The following ACSM3 variants were observed in gnomAD, a reference collection of about 807,000 sequenced individuals.
ACSM3 encodes the protein acyl-CoA synthetase medium chain family member 3.
ACSM3 carries 61 observed loss-of-function variants against 74.1 expected under a neutral mutation model. The ratio of observed to expected loss-of-function variants is 0.82; its 90% CI spans 0.67 to 1.02. The LOEUF (loss-of-function observed/expected upper bound fraction) is 1.02. Ranked by LOEUF, ACSM3 falls within the 50% of genes least tolerant of loss-of-function variation. The pLI, the probability that ACSM3 is intolerant of heterozygous loss-of-function variation, is 0.00. For missense variants in ACSM3, 660 were observed against 697.0 expected, an observed-to-expected ratio of 0.95 and a Z score of 0.60; for synonymous variants, 213 against 241.5, an observed-to-expected ratio of 0.88 and a Z score of 1.09.
intron 1 of ACSM3, among the ~76,000 whole-genome samples, chr16:20,712,040 T>C (rs1029106988): frequency 4.6e-5 from 7 of 152,106 alleles, no homozygotes; most frequent in African/African-American, 1.7e-4. Flanking sequence ...TTTTCATGAG[T>C]GGTTCCTTCT....
intron 1 of ACSM3, chr16:20,738,308 TACA>T: frequency 1.8e-5 from 6 of 325,874 alleles, no homozygotes; most frequent in South Asian, 4.8e-5. Flanking sequence ...CACACTTTTT[TACA>T]AAAAAAAAAA....
intron 1 of ACSM3, chr16:20,738,957 T>C (rs1173343783): frequency 6.2e-7 from 1 of 1,614,192 alleles, no homozygotes; most frequent in East Asian, 2.2e-5. Context: ...GACTGGAATC[T>C]TCTTAACCTC....
At chr16:20,684,371 G>A (rs998065218) in intron 1 of ACSM3, among the ~76,000 whole-genome samples, 4 of 152,178 alleles carry the variant, frequency 2.6e-5, no homozygotes, top group African/African-American at 9.7e-5. Flanking sequence ...TTGTGCCTTT[G>A]TAAAGGATAA....
intron 1 of ACSM3, chr16:20,741,792 C>T: frequency 1.3e-6 from 2 of 1,547,356 alleles, no homozygotes; most frequent in African/African-American, 2.7e-5. Context: ...CTGTTGGCGT[C>T]CTCGTCTATC....
intron 1 of ACSM3, chr16:20,680,053 C>T (rs1192382930): frequency 2.6e-5 from 4 of 152,148 alleles, no homozygotes; most frequent in Non-Finnish European, 4.4e-5. Flanking sequence ...AACCACAAAT[C>T]GGATGCCCAG....
chr16:20,734,720 C>A (rs2079854509), intron 1 of ACSM3: 1 of 152,182 alleles, frequency 6.6e-6, no homozygotes, highest in Non-Finnish European at 1.5e-5. Context: ...CAAAAAGAGG[C>A]CTTGAAAAAA....
chr16:20,718,019 A>AGAAGAG (rs2079771443), intron 1 of ACSM3, among the ~76,000 whole-genome samples: 2 of 149,048 alleles, frequency 1.3e-5, no homozygotes, highest in Admixed American at 6.6e-5. Context: ...AAGAAGAAGA[A>AGAAGAG]GAAGAAGAAA....
intron 1 of ACSM3, chr16:20,741,719 C>T: frequency 1.3e-6 from 2 of 1,575,820 alleles, no homozygotes; most frequent in Non-Finnish European, 1.7e-6. Context: ...GCTGAGTAGT[C>T]TGCTGGGCAG....
chr16:20,707,809 G>T (rs766232842), intron 1 of ACSM3, among the ~76,000 whole-genome samples: 1 of 152,206 alleles, frequency 6.6e-6, no homozygotes, highest in East Asian at 1.9e-4. Context: ...AAATGAAAAG[G>T]TTACTTGAAT....
At chr16:20,736,830 A>G in intron 1 of ACSM3, 1 of 1,574,372 alleles carries the variant, frequency 6.4e-7, no homozygotes, top group Non-Finnish European at 8.6e-7. Flanking sequence ...CCCCAGCAAC[A>G]TCTCGTAGAG....
chr16:20,752,838 C>T (rs1431424116), intron 2 of ACSM3, among the ~76,000 whole-genome samples: 6 of 152,172 alleles, frequency 3.9e-5, no homozygotes, highest in African/African-American at 1.2e-4. Context: ...TATGATTCTC[C>T]AGATGTGATG....
At chr16:20,777,302 G>T in intron 3 of ACSM3, 71 bp from the exon 4 acceptor site, 3 of 1,315,202 alleles carry the variant, frequency 2.3e-6, no homozygotes, top group Non-Finnish European at 3.2e-6. Context: ...TGTATAGATG[G>T]TATCTACACT....
chr16:20,775,716 C>G, intron 2 of ACSM3, 123 bp from the exon 3 acceptor site: 4 of 930,296 alleles, frequency 4.3e-6, no homozygotes, highest in Non-Finnish European at 6.8e-6. Context: ...TCCAAATTCT[C>G]CATCCATGTT....
intron 1 of ACSM3, among the ~76,000 whole-genome samples, chr16:20,742,810 TA>T (rs1313518292): frequency 0.097 from 3,359 of 34,506 alleles, 66 homozygotes; most frequent in Admixed American, 0.21. Context: ...TATATATATA[TA>T]TATTTTTTTT....
intron 1 of ACSM3, among the ~76,000 whole-genome samples, chr16:20,766,080 A>G (rs1159216008): frequency 2.0e-5 from 3 of 152,214 alleles, no homozygotes; most frequent in African/African-American, 7.2e-5. Context: ...CAACCTACCA[A>G]GAATGAAGCT....
intron 1 of ACSM3, among the ~76,000 whole-genome samples, chr16:20,769,433 AC>A: frequency 6.6e-6 from 1 of 152,362 alleles, no homozygotes; most frequent in Middle Eastern, 3.4e-3. Flanking sequence ...GGGAACTGCA[AC>A]CTATCAACTA....
At chr16:20,691,239 C>T in intron 1 of ACSM3, 2 of 1,437,988 alleles carry the variant, frequency 1.4e-6, no homozygotes, top group Non-Finnish European at 9.3e-7. Flanking sequence ...TCACCACCTG[C>T]CTTGGGAAGA....
rs1473918039 is a variant in ACSM3, at chr16:20,790,915, A to G, written c.1326+227A>G. The G allele has an allele frequency of 1.9e-6, 3 of 1,614,068 alleles. No individual in the cohort carries two copies. ...CCAGATCACTGTTCCAGGTCCACGA[A>G]GGCAAGAGGAAGGGACCCTAGAAAG... On this transcript the variant is annotated intron_variant, in intron 10 of 13. Coordinates refer to ENST00000289416, the MANE Select transcript of ACSM3 (RefSeq NM_005622.4). This position sits in a 1 kb window ranked among gnomAD's most constrained non-coding sequence, Gnocchi z 4.0.
intron 1 of ACSM3, among the ~76,000 whole-genome samples, chr16:20,710,156 C>T (rs1414678768): frequency 6.6e-6 from 1 of 152,132 alleles, no homozygotes; most frequent in East Asian, 1.9e-4. Context: ...ATGAGATAAA[C>T]TAAGCATTGC....
Sources: allele counts gnomAD v4.1 joint callset (sites outside exome capture counted in the v4.1 genomes callset), GRCh38; gene constraint gnomAD v4.1.1; non-coding constraint Gnocchi (gnomAD v3.1); transcripts MANE v1.5; gene names NCBI Gene and HGNC (gene_info 2026-07-23, HGNC 2026-07-21).